Variants in IL15 observed in about 807,000 individuals in gnomAD.
IL15 encodes the protein interleukin-15.
In IL15, 11 loss-of-function variants were observed where a neutral mutation model predicts 19.6. The ratio of observed to expected loss-of-function variants is 0.56; its 90% confidence interval spans 0.35 to 0.93. The LOEUF (loss-of-function observed/expected upper bound fraction) is 0.93. Among genes scored for constraint, IL15 ranks in the 40% least tolerant of loss-of-function variants. The pLI is 0.01. For synonymous variants in IL15, 58 were observed against 59.6 expected, an observed-to-expected ratio of 0.97 and a Z score of 0.12; for missense variants, 197 against 186.5, an observed-to-expected ratio of 1.06 and a Z score of -0.33.
chr4:141,675,559 T>C (rs1220822489), intron 2 of IL15, among the ~76,000 whole-genome samples: 1 of 152,316 alleles, frequency 6.6e-6, no homozygotes, highest in East Asian at 1.9e-4. Context: ...GTATTTGTTA[T>C]AGTGTTTAGT....
At chr4:141,679,933 C>A (rs1294209645) in intron 2 of IL15, among the ~76,000 whole-genome samples, 2 of 152,110 alleles carry the variant, frequency 1.3e-5, no homozygotes, top group African/African-American at 4.8e-5. Flanking sequence ...ACATTATGAG[C>A]AACATGCACA....
At chr4:141,653,197 T>A (rs1018933315) in intron 1 of IL15, among the ~76,000 whole-genome samples, 7 of 152,156 alleles carry the variant, frequency 4.6e-5, no homozygotes, top group Non-Finnish European at 1.0e-4. Context: ...AAAAAATTAT[T>A]TACAGCCTCC....
intron 2 of IL15, among the ~76,000 whole-genome samples, chr4:141,709,908 C>T (rs1199639774): frequency 2.6e-5 from 4 of 151,972 alleles, no homozygotes; most frequent in Non-Finnish European, 5.9e-5. Flanking sequence ...AGTTTTTCAA[C>T]CCTTGTTCTC....
intron 7 of IL15, 32 bp from the exon 8 acceptor site, chr4:141,732,706 T>G: frequency 6.2e-7 from 1 of 1,602,392 alleles, no homozygotes; most frequent in Non-Finnish European, 8.5e-7. Flanking sequence ...TAATTATAAA[T>G]TGCCAATTTA....
chr4:141,701,854 C>A (rs1003758602), intron 2 of IL15, among the ~76,000 whole-genome samples: 4 of 152,186 alleles, frequency 2.6e-5, no homozygotes, highest in African/African-American at 7.2e-5. Context: ...ATCATACGGG[C>A]ACCTCTTTTC....
intron 5 of IL15, among the ~76,000 whole-genome samples, chr4:141,725,238 C>T (rs1168027756): frequency 6.6e-6 from 1 of 152,140 alleles, no homozygotes; most frequent in Non-Finnish European, 1.5e-5. Context: ...CCTCTCATGG[C>T]CTGTGTCCCT....
chr4:141,701,692 C>T (rs1729324418), intron 2 of IL15, among the ~76,000 whole-genome samples: 1 of 152,084 alleles, frequency 6.6e-6, no homozygotes, highest in African/African-American at 2.4e-5. Context: ...GGGATCCCAG[C>T]CTTGATGAAG....
intron 2 of IL15, among the ~76,000 whole-genome samples, chr4:141,670,324 G>T (rs1293472677): frequency 2.0e-5 from 3 of 152,060 alleles, no homozygotes; most frequent in African/African-American, 7.2e-5. Context: ...TGGCATCAAG[G>T]AATTAGAATA....
chr4:141,647,655 C>G (rs1386153612), intron 1 of IL15, among the ~76,000 whole-genome samples: 1 of 152,034 alleles, frequency 6.6e-6, no homozygotes, highest in African/African-American at 2.4e-5. Context: ...TTTACACCTC[C>G]TAGACCTTGC....
chr4:141,663,099 T>C (rs1727847172), intron 2 of IL15, among the ~76,000 whole-genome samples: 1 of 152,184 alleles, frequency 6.6e-6, no homozygotes. Flanking sequence ...GAATGAAAGA[T>C]TGTGAACTCT....
At chr4:141,651,027 A>G (rs561837660) in intron 1 of IL15, among the ~76,000 whole-genome samples, 2 of 152,044 alleles carry the variant, frequency 1.3e-5, no homozygotes, top group Non-Finnish European at 2.9e-5. Context: ...AAATTGTAAT[A>G]TGTTAATGAT....
intron 2 of IL15, among the ~76,000 whole-genome samples, chr4:141,692,181 A>AACACAGG (rs762562694): frequency 1.5e-4 from 23 of 152,298 alleles, no homozygotes; most frequent in Non-Finnish European, 2.8e-4. Context: ...CTGGAGCTGG[A>AACACAGG]GTGGCTGGAA....
At chr4:141,649,017 T>C (rs968576156) in intron 1 of IL15, among the ~76,000 whole-genome samples, 1 of 152,132 alleles carries the variant, frequency 6.6e-6, no homozygotes, top group Non-Finnish European at 1.5e-5. Context: ...CAATTATTGT[T>C]TGCATGTAAA....
chr4:141,643,914 C>A (rs1727134830), intron 1 of IL15, among the ~76,000 whole-genome samples: 1 of 151,746 alleles, frequency 6.6e-6, no homozygotes, highest in African/African-American at 2.4e-5. Flanking sequence ...GGATTCCTGC[C>A]TTTACTGCCA....
chr4:141,722,338 A>C (rs1730117193), intron 5 of IL15, among the ~76,000 whole-genome samples: 1 of 152,234 alleles, frequency 6.6e-6, no homozygotes, highest in East Asian at 1.9e-4. Context: ...TTGCTTGTGG[A>C]CTAAAGGCCC....
intron 2 of IL15, among the ~76,000 whole-genome samples, chr4:141,708,521 A>G (rs1021842786): frequency 6.6e-5 from 10 of 152,116 alleles, no homozygotes; most frequent in African/African-American, 2.4e-4. Flanking sequence ...TTCAAAACCT[A>G]TAAGGACCAG....
At chr4:141,670,495 C>CTTA (rs1728135706) in intron 2 of IL15, among the ~76,000 whole-genome samples, 2 of 152,078 alleles carry the variant, frequency 1.3e-5, no homozygotes, top group Non-Finnish European at 2.9e-5. Flanking sequence ...TTAAACTAAC[C>CTTA]ATAATTAATG....
intron 2 of IL15, among the ~76,000 whole-genome samples, chr4:141,695,947 C>A (rs1482748741): frequency 6.6e-6 from 1 of 151,906 alleles, no homozygotes; most frequent in African/African-American, 2.4e-5. Flanking sequence ...AAAGCTTTTT[C>A]ATTTGATATA....
rs561896041 is a variant in IL15, at chr4:141,719,497, A to T, written c.12+21A>T. ...TTTCGGTAAGAAAAAAAATAGATGA[A>T]AATATCCTATGGAATTTCCCTTAAA... On this transcript the variant is annotated intron_variant, in intron 3 of 7. Transcript: ENST00000320650. 3.1e-5 allele frequency: 40 copies of T among 1,275,676 alleles called. No individual in the cohort carries two copies. The Middle Eastern group carries it at 3.7e-3, about 118-fold the overall frequency. 79.0% of individuals were successfully genotyped at this position (1,275,676 alleles called of 1,614,324 possible).
Sources: gnomAD v4.1 joint callset for allele counts (sites outside exome capture counted in the v4.1 genomes callset) on GRCh38, gnomAD v4.1.1 for gene constraint, MANE v1.5 for transcripts, NCBI Gene and HGNC (gene_info 2026-07-23, HGNC 2026-07-21) for gene names.